The following PCDHGB2 variants were observed in gnomAD, a reference collection of about 807,000 sequenced individuals.
PCDHGB2 encodes the protein protocadherin gamma subfamily B, 2.
In PCDHGB2, 55 loss-of-function variants were observed where a neutral mutation model predicts 59.3. The ratio of observed to expected loss-of-function variants is 0.93; its 90% confidence interval spans 0.75 to 1.16. The LOEUF (loss-of-function observed/expected upper bound fraction) is 1.16, where lower values mean the gene tolerates loss of function less well. PCDHGB2 is among the 50% of genes most tolerant of loss of function. The pLI, the probability that PCDHGB2 is intolerant of heterozygous loss-of-function variation, is 0.00. For missense variants in PCDHGB2, 1,228 were observed against 1,198.5 expected (o/e 1.02, Z -0.36); for synonymous variants, 516 against 512.0 (o/e 1.01, Z -0.11).
intron 1 of PCDHGB2, among the ~76,000 whole-genome samples, chr5:141,459,348 C>G (rs1015330513): frequency 2.6e-5 from 4 of 152,194 alleles, no homozygotes; most frequent in Admixed American, 2.0e-4. Context: ...TCTTGAAATT[C>G]ATTCATGTTC....
At chr5:141,393,890 T>C (rs1207998765) in intron 1 of PCDHGB2, 2 of 1,613,958 alleles carry the variant, frequency 1.2e-6, no homozygotes, top group South Asian at 2.2e-5. Flanking sequence ...TGTTAGAAAA[T>C]TCTCTTCCCG....
chr5:141,490,874 A>C lies in PCDHGB2; in HGVS notation c.2422-3933A>C. 1 of 1,613,948 alleles carries C rather than the reference A, an allele frequency of 6.2e-7. No homozygotes were observed. The highest frequency in any genetic ancestry group is 1.3e-5 in the African/African-American group (1 of 75,054). The stretch of plus-strand genomic sequence containing the variant: ...CGAGACTCCGGCTCTCCCCCATTGC[A>C]TGCCAACACATCTCTGCATGTGTTT... On this transcript the variant is annotated intron_variant, in intron 1 of 3. Coordinates refer to ENST00000522605, the MANE Select transcript of PCDHGB2 (RefSeq NM_018923.3). The surrounding 1 kb of genome is among the most constrained non-coding windows in gnomAD (Gnocchi z 5.4).
intron 1 of PCDHGB2, among the ~76,000 whole-genome samples, chr5:141,429,545 G>T (rs1200824675): frequency 6.6e-6 from 1 of 151,844 alleles, no homozygotes; most frequent in East Asian, 1.9e-4. Context: ...TAAGAACATG[G>T]TAATGATTTG....
chr5:141,503,471 C>A (rs2099820129), intron 2 of PCDHGB2, among the ~76,000 whole-genome samples: 1 of 151,836 alleles, frequency 6.6e-6, no homozygotes, highest in African/African-American at 2.4e-5. Context: ...GGCATGTGTG[C>A]ACTTGTCGTC....
intron 2 of PCDHGB2, among the ~76,000 whole-genome samples, chr5:141,500,035 CTT>C: frequency 6.6e-6 from 1 of 152,100 alleles, no homozygotes; most frequent in East Asian, 1.9e-4. Flanking sequence ...GTGAGTGTCT[CTT>C]AAGTATCTTA....
chr5:141,400,167 C>A, intron 1 of PCDHGB2: 1 of 1,614,082 alleles, frequency 6.2e-7, no homozygotes, highest in Non-Finnish European at 8.5e-7. Flanking sequence ...CCTCTGACCC[C>A]CAGGCTGAGC....
rs766865642 is a variant in PCDHGB2, at chr5:141,400,084, A to G, written c.2421+37528A>G. 34 of 1,613,852 alleles carry G rather than the reference A, an allele frequency of 2.1e-5. No homozygotes were observed. The highest frequency in any genetic ancestry group is 2.0e-4 in the Admixed American group (12 of 60,006). On this transcript the variant is annotated intron_variant, in intron 1 of 3. Transcript: ENST00000522605. The stretch of plus-strand genomic sequence containing the variant: ...TGGTGGACAGCCGCCACTCTCCGCC[A>G]CCGCCACGCTGCACTTGGTCTTTGC...
At position 141,511,237 on chromosome 5, in the gene PCDHGB2, TG is replaced by T; in HGVS notation, c.*65del. 1 of 1,590,378 alleles carries T rather than the reference TG, an allele frequency of 6.3e-7. No individual in the cohort carries two copies. Among genetic ancestry groups the T allele is most frequent in the Non-Finnish European group, 8.6e-7 (1 of 1,168,304 alleles). On this transcript the variant is annotated 3_prime_UTR_variant, in exon 4 of 4. Transcript: ENST00000522605. ...CCAACCAGCCCAGCTTCTCCTTACC[TG>T]CACCCAGGCCTCAGAGTTTCAGGGC...
chr5:141,367,287 C>T (rs1765038188), intron 1 of PCDHGB2: 2 of 153,044 alleles, frequency 1.3e-5, no homozygotes, highest in African/African-American at 2.4e-5. Flanking sequence ...GCCTGTAATC[C>T]CAGCACTTTG....
chr5:141,374,116 C>G (rs1328761924), intron 1 of PCDHGB2: 9 of 1,580,694 alleles, frequency 5.7e-6, no homozygotes, highest in Non-Finnish European at 8.6e-7. Context: ...CGCAGCGCAG[C>G]GAGCAGGTCC....
Position 141,450,950 on chromosome 5 carries a change from A to G in PCDHGB2, c.2422-43857A>G, listed in dbSNP as rs1176916120. ...AGCAATTCTCCTACCTCAGCCTCCCAAGTAGCTGGGATTACAGGCATGTGC... is the reference window on the plus strand; with the variant it reads ...AGCAATTCTCCTACCTCAGCCTCCCGAGTAGCTGGGATTACAGGCATGTGC... On this transcript the variant is annotated intron_variant, in intron 1 of 3. Coordinates refer to ENST00000522605, the MANE Select transcript of PCDHGB2 (RefSeq NM_018923.3). Among the ~76,000 whole-genome samples, 9 of 150,714 alleles carry G rather than the reference A, an allele frequency of 6.0e-5. No individual in the cohort carries two copies. In the East Asian group the frequency reaches 1.6e-3, roughly 26 times the overall value.
chr5:141,409,312 AAC>A (rs762706827), intron 1 of PCDHGB2: 39 of 1,613,880 alleles, frequency 2.4e-5, no homozygotes, highest in Admixed American at 1.7e-4. Flanking sequence ...CCCTCTTCAA[AAC>A]ACGGGATCTG....
intron 1 of PCDHGB2, chr5:141,478,694 T>G: frequency 1.3e-6 from 2 of 1,550,598 alleles, no homozygotes; most frequent in Non-Finnish European, 1.7e-6. Context: ...TAGATCAAAG[T>G]TAGTGCCTTT....
intron 1 of PCDHGB2, chr5:141,367,611 T>C (rs868477052): frequency 2.4e-4 from 36 of 152,038 alleles, no homozygotes; most frequent in African/African-American, 8.5e-4. Flanking sequence ...AATGATAACA[T>C]GTAGCATTCT....
At chr5:141,402,407 A>G (rs1365068565) in intron 1 of PCDHGB2, among the ~76,000 whole-genome samples, 1 of 152,106 alleles carries the variant, frequency 6.6e-6, no homozygotes, top group African/African-American at 2.4e-5. Context: ...AATTGTTAAG[A>G]TACACAGAAA....
intron 1 of PCDHGB2, chr5:141,372,459 C>CT: frequency 6.2e-7 from 1 of 1,614,070 alleles, no homozygotes; most frequent in South Asian, 1.1e-5. Context: ...GGCGGAGCTA[C>CT]AGTTTCACCT....
At position 141,409,757 on chromosome 5, in the gene PCDHGB2, G is replaced by A; in HGVS notation, c.2421+47201G>A. The A allele has an allele frequency of 6.8e-6, 11 of 1,612,986 alleles. No individual in the cohort carries two copies. The highest frequency in any genetic ancestry group is 9.3e-6 in the Non-Finnish European group (11 of 1,179,838). ...GAGCGGGGTGGTGTTCGCGCAGCGCGCCTTTGATCACGAGCAGCTGCGCGC... is the reference window on the plus strand; with the variant it reads ...GAGCGGGGTGGTGTTCGCGCAGCGCACCTTTGATCACGAGCAGCTGCGCGC... On this transcript the variant is annotated intron_variant, in intron 1 of 3. Coordinates refer to ENST00000522605, the MANE Select transcript of PCDHGB2 (RefSeq NM_018923.3).
chr5:141,384,281 T>A, intron 1 of PCDHGB2: 2 of 1,613,774 alleles, frequency 1.2e-6, no homozygotes, highest in Non-Finnish European at 1.7e-6. Flanking sequence ...TCAGTCTACA[T>A]CGCTGAGAAC....
intron 1 of PCDHGB2, chr5:141,375,635 C>A (rs776372663): frequency 2.4e-5 from 38 of 1,614,094 alleles, no homozygotes; most frequent in Non-Finnish European, 3.1e-5. Flanking sequence ...GTACGCCCTG[C>A]GCTCCTTCGA....
Sources: gnomAD v4.1 joint callset for allele counts (sites outside exome capture counted in the v4.1 genomes callset) on GRCh38, gnomAD v4.1.1 for gene constraint, Gnocchi (gnomAD v3.1) non-coding constraint, MANE v1.5 for transcripts, NCBI Gene and HGNC (gene_info 2026-07-23, HGNC 2026-07-21) for gene names.